Variants in LACTB2 observed in about 807,000 individuals in gnomAD.
LACTB2 encodes the protein lactamase beta 2.
Under a neutral mutation model 34.8 loss-of-function variants are expected in LACTB2, and 32 were observed. The observed-to-expected ratio is 0.92, with a 90% CI of 0.69 to 1.24. The LOEUF is 1.24. Among genes scored for constraint, LACTB2 ranks in the 50% most tolerant of loss-of-function variants. The pLI, the probability that LACTB2 is intolerant of heterozygous loss-of-function variation, is 0.00. For missense variants in LACTB2, 320 were observed against 345.0 expected (o/e 0.93, Z 0.57); for synonymous variants, 120 against 117.5 (o/e 1.02, Z -0.14).
At chr8:70,653,330 C>G (rs968942593) in intron 3 of LACTB2, among the ~76,000 whole-genome samples, 2 of 152,112 alleles carry the variant, frequency 1.3e-5, no homozygotes, top group African/African-American at 4.8e-5. Context: ...CCAGGCTAGT[C>G]TCAAACCGCC....
chr8:70,656,870 T>C (rs919565535), intron 3 of LACTB2, among the ~76,000 whole-genome samples: 1 of 152,142 alleles, frequency 6.6e-6, no homozygotes, highest in African/African-American at 2.4e-5. Context: ...ATGTAAAAAC[T>C]AACCTGATTA....
intron 5 of LACTB2, among the ~76,000 whole-genome samples, chr8:70,639,513 A>G (rs1471289925): frequency 6.6e-6 from 1 of 152,336 alleles, no homozygotes; most frequent in South Asian, 2.1e-4. Flanking sequence ...TAGCATAATA[A>G]TACATAGCAG....
chr8:70,664,418 A>G (rs761506946), intron 1 of LACTB2, among the ~76,000 whole-genome samples: 5 of 152,214 alleles, frequency 3.3e-5, no homozygotes, highest in African/African-American at 4.8e-5. Flanking sequence ...CAAAGAAAAC[A>G]GATCTTTTAG....
intron 6 of LACTB2, 106 bp from the exon 7 acceptor site, chr8:70,638,009 T>G (rs1818145306): frequency 5.1e-6 from 3 of 593,076 alleles, no homozygotes; most frequent in South Asian, 7.4e-5. Context: ...TAAAATAATT[T>G]TGTTGCTCAA....
rs188243185 is a variant in LACTB2, at chr8:70,661,480, T to A, written c.286+254A>T. The A allele has an allele frequency of 1.9e-4, 67 of 351,754 alleles. 1 individual carries two copies. The highest frequency in any genetic ancestry group is 1.3e-3 in the African/African-American group (61 of 47,900). 21.8% of individuals were successfully genotyped at this position (351,754 alleles called of 1,614,324 possible). ...GCACAGAGTAAATGCTCAACAGTTG[T>A]TAGTTATGATTAAGTCTGAATAGTA... is the stretch of plus-strand genomic sequence containing the variant. On this transcript the variant is annotated intron_variant, in intron 2 of 6. Transcript: ENST00000276590.
At position 70,638,569 on chromosome 8, in the gene LACTB2, G is replaced by A. The variant is rs761124806; in HGVS notation, c.802C>T (p.Leu268=). ...TCACATATTTTTCCTTCTTTTTCTA[G>A]TTTTTTCAAATGAAGTAAGAGATTA... is the stretch of plus-strand genomic sequence containing the variant. ...KHNLLLHLKK[L]EKEGKIFSNT... Residue 268 remains leucine (L), a synonymous_variant, in exon 6 of 7, where the codon CTA becomes TTA. Transcript: ENST00000276590. 1 of 1,515,530 alleles carries A rather than the reference G, an allele frequency of 6.6e-7. No individual in the cohort carries two copies. Among genetic ancestry groups the A allele is most frequent in the Admixed American group, 2.3e-5 (1 of 42,940 alleles). The allele number at this position is 1,515,530 out of a possible 1,614,324, so 93.9% of individuals were successfully genotyped here.
Position 70,643,376 on chromosome 8 carries a change from C to T in LACTB2, c.592+689G>A, listed in dbSNP as rs1818224462. ...TAGCTGGGATTATAGGTACCTGCCACCACGCCTGGGTAATTTTTGTATTAT... is the reference window on the plus strand; with the variant it reads ...TAGCTGGGATTATAGGTACCTGCCATCACGCCTGGGTAATTTTTGTATTAT... On this transcript the variant is annotated intron_variant, in intron 4 of 6. Coordinates refer to ENST00000276590, the MANE Select transcript of LACTB2 (RefSeq NM_016027.3). 2.6e-5 allele frequency among the ~76,000 whole-genome samples: 4 copies of T among 152,000 alleles called. No homozygotes were observed. The South Asian group carries it at 8.3e-4, about 32-fold the overall frequency.
intron 3 of LACTB2, among the ~76,000 whole-genome samples, chr8:70,650,139 T>C (rs1818320386): frequency 6.6e-6 from 1 of 152,164 alleles, no homozygotes; most frequent in South Asian, 2.1e-4. Flanking sequence ...TGAGCCACCA[T>C]GCCCAGCCTA....
chr8:70,638,534 G>C lies in LACTB2; in HGVS notation c.823+14C>G. The C allele has an allele frequency of 6.6e-7, 1 of 1,524,856 alleles. No homozygotes were observed. Among genetic ancestry groups the C allele is most frequent in the Non-Finnish European group, 8.8e-7 (1 of 1,139,134 alleles). The allele number at this position is 1,524,856 out of a possible 1,614,324, so 94.5% of individuals were successfully genotyped here. On this transcript the variant is annotated intron_variant, in intron 6 of 6. Transcript: ENST00000276590. ...AAATGCTGGTAATAGAAGAAAATTT[G>C]GAAGCATACTCACATATTTTTCCTT... is the stretch of plus-strand genomic sequence containing the variant.
intron 3 of LACTB2, 112 bp downstream of exon 3, chr8:70,657,644 C>T: frequency 2.8e-6 from 3 of 1,055,044 alleles, no homozygotes; most frequent in South Asian, 4.0e-5. Flanking sequence ...AACTCCTGGG[C>T]TCAAACGATC....
At chr8:70,668,904 G>A in intron 1 of LACTB2, 95 bp downstream of exon 1, 1 of 1,504,684 alleles carries the variant, frequency 6.6e-7, no homozygotes, top group South Asian at 1.3e-5. Context: ...GGGACAGGAC[G>A]CGGCGCTCTC....
At chr8:70,665,516 T>C (rs984897964) in intron 1 of LACTB2, among the ~76,000 whole-genome samples, 3 of 152,216 alleles carry the variant, frequency 2.0e-5, no homozygotes, top group Non-Finnish European at 4.4e-5. Context: ...CACAGTGTTA[T>C]CTAGATGTTA....
chr8:70,658,058 C>T (rs1818434654), intron 2 of LACTB2, among the ~76,000 whole-genome samples, 176 bp from the exon 3 acceptor site: 1 of 152,180 alleles, frequency 6.6e-6, no homozygotes, highest in African/African-American at 2.4e-5. Context: ...TATTTCATAT[C>T]TTTCAACCAA....
intron 3 of LACTB2, among the ~76,000 whole-genome samples, chr8:70,656,919 A>G (rs1169885219): frequency 6.6e-6 from 1 of 152,158 alleles, no homozygotes; most frequent in Non-Finnish European, 1.5e-5. Context: ...AAAGGTGAAG[A>G]GCAGTGCAAG....
intron 3 of LACTB2, chr8:70,646,597 T>C (rs1372749308): frequency 6.9e-6 from 1 of 143,912 alleles, no homozygotes; most frequent in African/African-American, 2.4e-5. Flanking sequence ...ATTTCCTTTT[T>C]CCTTTCCTCC....
At chr8:70,646,428 C>T (rs1332399883) in intron 3 of LACTB2, 1 of 152,108 alleles carries the variant, frequency 6.6e-6, no homozygotes, top group East Asian at 1.9e-4. Flanking sequence ...ATTTATGCAG[C>T]CAAAAGACAC....
chr8:70,643,161 CTTTAAG>C (rs1042778246), intron 4 of LACTB2, among the ~76,000 whole-genome samples: 92 of 140,660 alleles, frequency 6.5e-4, no homozygotes, highest in African/African-American at 1.9e-3. Context: ...TTGGCCTTCT[CTTTAAG>C]TTTAACTGCA....
intron 1 of LACTB2, among the ~76,000 whole-genome samples, chr8:70,666,120 C>T (rs1226035421): frequency 6.6e-6 from 1 of 152,164 alleles, no homozygotes; most frequent in Non-Finnish European, 1.5e-5. Flanking sequence ...GTACAGAATG[C>T]TCATTCATTC....
At chr8:70,651,377 T>C (rs143497701) in intron 3 of LACTB2, among the ~76,000 whole-genome samples, 73 of 152,342 alleles carry the variant, frequency 4.8e-4, no homozygotes, top group African/African-American at 1.7e-3. Context: ...AAGCTGTTAA[T>C]AGAAGTATTC....
Sources: allele counts gnomAD v4.1 joint callset (sites outside exome capture counted in the v4.1 genomes callset), GRCh38; gene constraint gnomAD v4.1.1; transcripts MANE v1.5; gene names NCBI Gene and HGNC (gene_info 2026-07-23, HGNC 2026-07-21).